Variants in KLF13 observed in about 807,000 individuals in gnomAD.
KLF13 encodes KLF transcription factor 13.
A neutral mutation model predicts 16.7 loss-of-function variants in KLF13; 8 were observed. The observed-to-expected ratio is 0.48, with a 90% CI of 0.28 to 0.87. The LOEUF is 0.87. Ranked by LOEUF, KLF13 falls within the 40% of genes least tolerant of loss-of-function variation. The pLI is 0.10. For synonymous variants in KLF13, 245 were observed against 208.4 expected, an observed-to-expected ratio of 1.18 and a Z score of -1.51; for missense variants, 447 against 452.2, an observed-to-expected ratio of 0.99 and a Z score of 0.10.
intron 1 of KLF13, among the ~76,000 whole-genome samples, chr15:31,344,365 C>T (rs1403617593): frequency 2.6e-5 from 4 of 152,248 alleles, no homozygotes; most frequent in Non-Finnish European, 4.4e-5. Context: ...TCTGAAAACA[C>T]GCCATGGCTG....
At chr15:31,346,365 C>T (rs1296669056) in intron 1 of KLF13, among the ~76,000 whole-genome samples, 2 of 152,222 alleles carry the variant, frequency 1.3e-5, no homozygotes, top group Non-Finnish European at 2.9e-5. Flanking sequence ...CCTTCCCCTT[C>T]TGGACTAGTC....
intron 1 of KLF13, among the ~76,000 whole-genome samples, chr15:31,335,990 G>A (rs761517240): frequency 1.5e-4 from 23 of 152,268 alleles, no homozygotes; most frequent in South Asian, 4.1e-4. Context: ...GTTGTGTCAC[G>A]TGCTTGTCTC....
At chr15:31,348,939 G>A (rs1355990863) in intron 1 of KLF13, among the ~76,000 whole-genome samples, 1 of 152,034 alleles carries the variant, frequency 6.6e-6, no homozygotes, top group African/African-American at 2.4e-5. Context: ...ATTTTCTGGG[G>A]TCTCCTTTCT....
upstream of KLF13, among the ~76,000 whole-genome samples, chr15:31,388,780 A>C (rs933901000): frequency 2.0e-5 from 3 of 150,774 alleles, no homozygotes; most frequent in East Asian, 1.9e-4. Flanking sequence ...AAAAAAAAAA[A>C]AAAAAACTAA....
intron 1 of KLF13, among the ~76,000 whole-genome samples, chr15:31,350,821 G>A (rs773622585): frequency 3.9e-5 from 6 of 152,240 alleles, no homozygotes; most frequent in African/African-American, 7.2e-5. Context: ...CTTGAGGTGC[G>A]CCCATGGCCA....
At chr15:31,360,921 C>G (rs1363664207) in intron 1 of KLF13, among the ~76,000 whole-genome samples, 3 of 152,186 alleles carry the variant, frequency 2.0e-5, no homozygotes, top group Non-Finnish European at 4.4e-5. Flanking sequence ...GTGGCAGGTG[C>G]TGGGCCTGGA....
At chr15:31,330,438 C>T (rs773617445) in intron 1 of KLF13, among the ~76,000 whole-genome samples, 2 of 152,240 alleles carry the variant, frequency 1.3e-5, no homozygotes, top group Non-Finnish European at 2.9e-5. Context: ...TGCTGTTCCT[C>T]TATGTGACCA....
intron 1 of KLF13, among the ~76,000 whole-genome samples, chr15:31,418,882 A>G (rs778129925): frequency 1.3e-5 from 2 of 152,190 alleles, no homozygotes; most frequent in Non-Finnish European, 2.9e-5. Flanking sequence ...GACCAAGGCT[A>G]GAAGATCCCT....
At chr15:31,422,926 A>G (rs183715824) in intron 1 of KLF13, among the ~76,000 whole-genome samples, 1 of 151,338 alleles carries the variant, frequency 6.6e-6, no homozygotes, top group African/African-American at 2.4e-5. Context: ...AGTCCCAGCT[A>G]CTCAGGGGGC....
intron 2 of KLF13, among the ~76,000 whole-genome samples, chr15:31,395,922 C>G (rs2039946187): frequency 6.6e-6 from 1 of 152,212 alleles, no homozygotes; most frequent in African/African-American, 2.4e-5. Flanking sequence ...GTCCCTGATC[C>G]TCCATCCTCT....
At chr15:31,397,895 C>T (rs1308011968) in intron 2 of KLF13, among the ~76,000 whole-genome samples, 1 of 151,252 alleles carries the variant, frequency 6.6e-6, no homozygotes, top group Non-Finnish European at 1.5e-5. Flanking sequence ...GTGATCCACT[C>T]TCCCTGGGGA....
rs1021566595 is a variant in KLF13, at chr15:31,376,450, A to G, written c.*4151A>G. The G allele has an allele frequency of 6.6e-6, 1 of 152,388 alleles. No individual in the cohort carries two copies. Among genetic ancestry groups the G allele is most frequent in the Non-Finnish European group, 1.5e-5 (1 of 68,046 alleles). The allele number at this position is 152,388 out of a possible 1,614,324, so 9.4% of individuals were successfully genotyped here. On this transcript the variant is annotated 3_prime_UTR_variant, in exon 2 of 2. Coordinates refer to ENST00000307145, the MANE Select transcript of KLF13 (RefSeq NM_015995.4). ...GTAAGAAACGCTTGGTAGGTTATCC[A>G]CATCTTTTGCTGACTGTTTCCATAT... is the stretch of plus-strand genomic sequence containing the variant.
chr15:31,379,882 C>T (rs76122154), downstream of KLF13, among the ~76,000 whole-genome samples: 2,226 of 152,136 alleles, frequency 0.015, 23 homozygotes, highest in Non-Finnish European at 0.022. Flanking sequence ...GGCAGTTAGG[C>T]GAAGTGCTGT....
chr15:31,327,939 C>A lies in KLF13; in HGVS notation c.577+150C>A, dbSNP rs925832780. The A allele has an allele frequency of 4.2e-6, 4 of 946,514 alleles. No individual in the cohort carries two copies. In the East Asian group the frequency reaches 2.4e-4, roughly 57 times the overall value. 58.6% of individuals were successfully genotyped at this position (946,514 alleles called of 1,614,324 possible). ...TCGCCCCTTCCCCTGCCGCTCCGAC[C>A]CGCGGCTGGCCCCGCGCGTCGCGCG... On this transcript the variant is annotated intron_variant, in intron 1 of 1. Coordinates refer to ENST00000307145, the MANE Select transcript of KLF13 (RefSeq NM_015995.4).
chr15:31,383,566 T>C (rs2039754396), intron 1 of KLF13, among the ~76,000 whole-genome samples: 1 of 152,210 alleles, frequency 6.6e-6, no homozygotes, highest in African/African-American at 2.4e-5. Flanking sequence ...ATGCAGCGAA[T>C]GTCACATAAG....
At chr15:31,329,761 C>A (rs2038794058) in intron 1 of KLF13, among the ~76,000 whole-genome samples, 1 of 152,236 alleles carries the variant, frequency 6.6e-6, no homozygotes, top group Non-Finnish European at 1.5e-5. Context: ...GTTCTTGAAG[C>A]AGAGAAACTA....
At chr15:31,366,555 G>A (rs1021512361) in intron 1 of KLF13, 5 of 152,344 alleles carry the variant, frequency 3.3e-5, no homozygotes, top group African/African-American at 4.8e-5. Context: ...TCCTGTCCTG[G>A]TGAGTCCCTG....
intron 1 of KLF13, among the ~76,000 whole-genome samples, chr15:31,347,727 C>G (rs1173418190): frequency 6.6e-6 from 1 of 152,228 alleles, no homozygotes; most frequent in Non-Finnish European, 1.5e-5. Context: ...ATCCTGCCAT[C>G]CTGTGGCAGC....
Position 31,372,207 on chromosome 15 carries a change from C to A in KLF13, c.775C>A (p.Arg259=). The change falls in exon 2 of 2, where the codon CGG becomes AGG. Residue 259 remains arginine (R), a synonymous_variant. Transcript: ENST00000307145. ...HANFHPGMLQ[R]RGGGSRTGSL... is the part of the protein sequence containing the mutation. The stretch of plus-strand genomic sequence containing the variant: ...CAACTTCCACCCGGGAATGCTGCAG[C>A]GGCGCGGCGGGGGCTCGCGGACCGG... 1 of 1,604,998 alleles carries A rather than the reference C, an allele frequency of 6.2e-7. No individual in the cohort carries two copies. Among genetic ancestry groups the A allele is most frequent in the Non-Finnish European group, 8.5e-7 (1 of 1,177,048 alleles).
Sources: allele counts gnomAD v4.1 joint callset (sites outside exome capture counted in the v4.1 genomes callset), GRCh38; gene constraint gnomAD v4.1.1; transcripts MANE v1.5; gene names NCBI Gene and HGNC (gene_info 2026-07-23, HGNC 2026-07-21).